The following REDIC1 variants were observed in gnomAD, a reference collection of about 807,000 sequenced individuals.
The protein encoded by REDIC1 is regulator of DNA class I crossover intermediates 1.
the REDIC1 span, among the ~76,000 whole-genome samples, chr12:39,697,504 G>A: frequency 2.6e-5 from 4 of 152,180 alleles, no homozygotes; most frequent in Non-Finnish European, 5.9e-5. Context: ...CATATCTGAA[G>A]TAGAAACACT....
At chr12:39,719,121 T>C in the REDIC1 span, among the ~76,000 whole-genome samples, 1 of 152,178 alleles carries the variant, frequency 6.6e-6, no homozygotes, top group African/African-American at 2.4e-5. Context: ...CTTGTGTATA[T>C]GTAAACTCAT....
chr12:39,679,302 A>G, the REDIC1 span, among the ~76,000 whole-genome samples: 1 of 152,240 alleles, frequency 6.6e-6, no homozygotes, highest in Non-Finnish European at 1.5e-5. Context: ...AAATGGACTC[A>G]GTAAAGTTTC....
the REDIC1 span, chr12:39,646,611 T>G: frequency 6.8e-6 from 5 of 737,868 alleles, no homozygotes; most frequent in African/African-American, 1.9e-5. Context: ...ATTAAGACCT[T>G]CATCAAATGA....
chr12:39,729,296 A>C, the REDIC1 span, among the ~76,000 whole-genome samples: 1 of 152,176 alleles, frequency 6.6e-6, no homozygotes. Flanking sequence ...GTGGGCATTT[A>C]GTACTATAAA....
chr12:39,898,137 T>C, the REDIC1 span, among the ~76,000 whole-genome samples: 1 of 152,200 alleles, frequency 6.6e-6, no homozygotes, highest in Non-Finnish European at 1.5e-5. Context: ...AACATACATG[T>C]ACAGCTTTCC....
the REDIC1 span, among the ~76,000 whole-genome samples, chr12:39,752,221 A>C: frequency 6.6e-6 from 1 of 152,154 alleles, no homozygotes; most frequent in African/African-American, 2.4e-5. Flanking sequence ...ACCAAGCCAC[A>C]CAGCAGGAGG....
the REDIC1 span, among the ~76,000 whole-genome samples, chr12:39,713,689 A>T: frequency 7.6e-5 from 11 of 145,426 alleles, no homozygotes; most frequent in Admixed American, 4.8e-4. Context: ...ATGCCTGTAT[A>T]CATGCGTATA....
At chr12:39,632,544 G>A in the REDIC1 span, among the ~76,000 whole-genome samples, 1 of 151,978 alleles carries the variant, frequency 6.6e-6, no homozygotes, top group Admixed American at 6.6e-5. Context: ...ATGTATGCAT[G>A]CATGTATATA....
At chr12:39,716,580 C>G in the REDIC1 span, among the ~76,000 whole-genome samples, 10 of 152,078 alleles carry the variant, frequency 6.6e-5, no homozygotes, top group South Asian at 1.9e-3. Context: ...ACCCAGAAAT[C>G]CTGTCAGAAT....
the REDIC1 span, among the ~76,000 whole-genome samples, chr12:39,706,297 A>T: frequency 6.6e-6 from 1 of 152,028 alleles, no homozygotes; most frequent in Non-Finnish European, 1.5e-5. Context: ...CACTAATGAA[A>T]GACTTTGAAG....
At chr12:39,849,983 G>A in the REDIC1 span, among the ~76,000 whole-genome samples, 2 of 152,024 alleles carry the variant, frequency 1.3e-5, no homozygotes, top group African/African-American at 4.8e-5. Context: ...TAAAATCTAT[G>A]GATTCTGTGT....
At chr12:39,905,366 C>A in the REDIC1 span, among the ~76,000 whole-genome samples, 1 of 152,210 alleles carries the variant, frequency 6.6e-6, no homozygotes, top group African/African-American at 2.4e-5. Context: ...GCACAGTGCG[C>A]TGTGGGCCTG....
chr12:39,648,832 G>A, the REDIC1 span, among the ~76,000 whole-genome samples: 2 of 150,404 alleles, frequency 1.3e-5, no homozygotes, highest in Non-Finnish European at 3.0e-5. Flanking sequence ...TTATATATAT[G>A]CCATATGATA....
the REDIC1 span, chr12:39,716,772 G>T: frequency 6.2e-7 from 1 of 1,602,886 alleles, no homozygotes; most frequent in East Asian, 2.3e-5. Context: ...ATTCTGCACA[G>T]AGTAGTCGGT....
the REDIC1 span, among the ~76,000 whole-genome samples, chr12:39,644,509 C>A: frequency 8.6e-5 from 13 of 151,706 alleles, no homozygotes; most frequent in African/African-American, 3.1e-4. Flanking sequence ...ATTTTTAAAA[C>A]AACTGCTAAA....
the REDIC1 span, among the ~76,000 whole-genome samples, chr12:39,793,220 A>T: frequency 6.6e-6 from 1 of 152,170 alleles, no homozygotes; most frequent in Non-Finnish European, 1.5e-5. Context: ...CATTGAATTA[A>T]AGAAAATTCT....
the REDIC1 span, among the ~76,000 whole-genome samples, chr12:39,679,453 T>C: frequency 2.9e-4 from 44 of 152,182 alleles, no homozygotes; most frequent in African/African-American, 1.0e-3. Context: ...GTGAAAGATA[T>C]CTACAAGAAA....
the REDIC1 span, among the ~76,000 whole-genome samples, chr12:39,653,556 T>TG: frequency 1.3e-5 from 1 of 77,816 alleles, no homozygotes; most frequent in African/African-American, 4.2e-5. Flanking sequence ...TTCTTCTTCT[T>TG]CTTTCTTCTT....
chr12:39,812,995 A>ATTTT, the REDIC1 span, among the ~76,000 whole-genome samples: 2 of 13,160 alleles, frequency 1.5e-4, no homozygotes, highest in African/African-American at 2.1e-4. Flanking sequence ...ATGCCCAGCT[A>ATTTT]ATTTTTTTTT....
Sources: gnomAD v4.1 joint callset for allele counts (sites outside exome capture counted in the v4.1 genomes callset) on GRCh38, gnomAD v4.1.1 for gene constraint, MANE v1.5 for transcripts, NCBI Gene and HGNC (gene_info 2026-07-23, HGNC 2026-07-21) for gene names.